Variants in DSCAM observed in about 807,000 individuals in gnomAD.
DSCAM encodes the protein cell adhesion molecule DSCAM.
A neutral mutation model predicts 217.7 loss-of-function variants in DSCAM; 47 were observed. The ratio of observed to expected loss-of-function variants is 0.22; its 90% confidence interval spans 0.17 to 0.28. The LOEUF (loss-of-function observed/expected upper bound fraction) is 0.28. Ranked by LOEUF, DSCAM falls within the 10% of genes least tolerant of loss-of-function variation. The pLI is 1.00. For missense variants in DSCAM, 2,080 were observed against 2,618.3 expected (o/e 0.79, Z 4.49); for synonymous variants, 1,056 against 1,015.3 (o/e 1.04, Z -0.76).
intron 1 of DSCAM, among the ~76,000 whole-genome samples, chr21:40,795,310 T>C (rs902641631): frequency 1.3e-5 from 2 of 152,130 alleles, no homozygotes; most frequent in African/African-American, 4.8e-5. Context: ...CTCCACCAAG[T>C]GCCCAATGGC....
At chr21:40,806,629 T>C (rs1402589340) in intron 1 of DSCAM, among the ~76,000 whole-genome samples, 2 of 152,232 alleles carry the variant, frequency 1.3e-5, no homozygotes, top group Non-Finnish European at 2.9e-5. Context: ...GTGTTTCTAT[T>C]AGTTTCATCA....
intron 31 of DSCAM, 110 bp downstream of exon 31, chr21:40,043,968 A>G: frequency 9.0e-7 from 1 of 1,105,566 alleles, no homozygotes; most frequent in Non-Finnish European, 1.3e-6. Context: ...TCAAAAGAAC[A>G]TAAGTAAGAG....
intron 1 of DSCAM, among the ~76,000 whole-genome samples, chr21:40,801,843 G>T (rs113837268): frequency 6.6e-6 from 1 of 152,200 alleles, no homozygotes. Flanking sequence ...AGATTTCTAA[G>T]GATGTCATCA....
At chr21:40,079,659 A>T (rs2089423494) in intron 25 of DSCAM, among the ~76,000 whole-genome samples, 1 of 151,878 alleles carries the variant, frequency 6.6e-6, no homozygotes, top group Non-Finnish European at 1.5e-5. Flanking sequence ...CTGGGACAAA[A>T]CCTCTTTCTC....
intron 3 of DSCAM, among the ~76,000 whole-genome samples, chr21:40,477,980 G>A (rs929587729): frequency 1.3e-5 from 2 of 152,018 alleles, no homozygotes; most frequent in African/African-American, 4.8e-5. Context: ...CAGGACCCCT[G>A]AGCCCCACCC....
At chr21:40,118,455 C>T (rs1252082211) in intron 20 of DSCAM, among the ~76,000 whole-genome samples, 4 of 152,088 alleles carry the variant, frequency 2.6e-5, no homozygotes, top group Admixed American at 6.6e-5. Context: ...GGTGGGGTGG[C>T]GGGTGCCTGT....
At chr21:40,292,489 T>C (rs1301591958) in intron 10 of DSCAM, among the ~76,000 whole-genome samples, 1 of 151,272 alleles carries the variant, frequency 6.6e-6, no homozygotes, top group South Asian at 2.1e-4. Flanking sequence ...CTCTATCAGA[T>C]TGGAAAATGT....
At chr21:40,640,570 A>G (rs1474684763) in intron 3 of DSCAM, among the ~76,000 whole-genome samples, 1 of 152,170 alleles carries the variant, frequency 6.6e-6, no homozygotes, top group African/African-American at 2.4e-5. Context: ...GGTTTAGCTA[A>G]TGGATAACCG....
At chr21:40,596,343 T>C (rs1274300365) in intron 3 of DSCAM, among the ~76,000 whole-genome samples, 4 of 152,234 alleles carry the variant, frequency 2.6e-5, no homozygotes, top group African/African-American at 9.6e-5. Flanking sequence ...GAAGGACTAA[T>C]TTTAAAGCAT....
rs557934659 is a variant in DSCAM, at chr21:40,360,155, A to G, written c.656-6412T>C. Among the ~76,000 whole-genome samples the G allele has an allele frequency of 4.8e-3, 568 of 118,068 alleles. 5 individuals are homozygous for G. Among genetic ancestry groups the G allele is most frequent in the Admixed American group, 0.013 (133 of 9,950 alleles). The allele number at this position is 118,068 out of a possible 152,430, so 77.5% of individuals were successfully genotyped here. ...TTTTTTTTTTTTTTTTTTTTGAGAC[A>G]GAGTCTCGCTCAGTTGCCCACGCTA... On this transcript the variant is annotated intron_variant, in intron 4 of 32. Coordinates refer to ENST00000400454, the MANE Select transcript of DSCAM (RefSeq NM_001389.5).
chr21:40,354,622 G>A (rs916236854), intron 4 of DSCAM, among the ~76,000 whole-genome samples: 1 of 152,046 alleles, frequency 6.6e-6, no homozygotes, highest in Admixed American at 6.5e-5. Flanking sequence ...GGCCAAGGCA[G>A]GCAGATCACG....
chr21:40,559,416 C>T (rs919653078), intron 3 of DSCAM, among the ~76,000 whole-genome samples: 1 of 150,342 alleles, frequency 6.7e-6, no homozygotes, highest in Non-Finnish European at 1.5e-5. Flanking sequence ...TGAGATCGCA[C>T]CACTGCACTC....
intron 3 of DSCAM, among the ~76,000 whole-genome samples, chr21:40,563,265 A>G (rs940573938): frequency 1.3e-5 from 2 of 152,168 alleles, no homozygotes; most frequent in South Asian, 4.1e-4. Context: ...CTAAACAAAG[A>G]TAGTTTGTCT....
intron 3 of DSCAM, among the ~76,000 whole-genome samples, chr21:40,465,663 T>G (rs1404659462): frequency 1.3e-5 from 2 of 152,214 alleles, no homozygotes; most frequent in Non-Finnish European, 1.5e-5. Context: ...TTGCAATTTA[T>G]TTTAGTTCAT....
intron 3 of DSCAM, among the ~76,000 whole-genome samples, chr21:40,602,352 C>T (rs1016531664): frequency 2.6e-5 from 4 of 152,228 alleles, no homozygotes; most frequent in Non-Finnish European, 2.9e-5. Flanking sequence ...TGAGACATAA[C>T]GTCAGCTCAG....
intron 3 of DSCAM, among the ~76,000 whole-genome samples, chr21:40,530,196 A>T (rs1372676949): frequency 2.0e-5 from 3 of 152,146 alleles, no homozygotes; most frequent in Non-Finnish European, 4.4e-5. Flanking sequence ...ACAAAGAAAC[A>T]CCATTGACTC....
chr21:40,349,116 G>A (rs186418160), intron 5 of DSCAM, among the ~76,000 whole-genome samples: 9 of 57,196 alleles, frequency 1.6e-4, no homozygotes, highest in Admixed American at 9.6e-4. Flanking sequence ...TAGCTTGGGG[G>A]ACAGAGTGAG....
chr21:40,271,684 G>A (rs1253019260), intron 11 of DSCAM, among the ~76,000 whole-genome samples: 1 of 152,132 alleles, frequency 6.6e-6, no homozygotes, highest in Non-Finnish European at 1.5e-5. Flanking sequence ...GCTACAAGAT[G>A]AAAAGCTACA....
At chr21:40,520,824 A>T (rs909602758) in intron 3 of DSCAM, among the ~76,000 whole-genome samples, 3 of 152,112 alleles carry the variant, frequency 2.0e-5, no homozygotes, top group Admixed American at 6.5e-5. Context: ...ATAAATAAAT[A>T]AATAGAAAAT....
Sources: allele counts gnomAD v4.1 joint callset (sites outside exome capture counted in the v4.1 genomes callset), GRCh38; gene constraint gnomAD v4.1.1; transcripts MANE v1.5; gene names NCBI Gene and HGNC (gene_info 2026-07-23, HGNC 2026-07-21).